The following EXOC6 variants were observed in gnomAD, a reference collection of about 807,000 sequenced individuals.
The protein encoded by EXOC6 is SEC15-like 1.
A neutral mutation model predicts 112.5 loss-of-function variants in EXOC6; 60 were observed. The ratio of observed to expected loss-of-function variants is 0.53; its 90% CI spans 0.43 to 0.66. The LOEUF (loss-of-function observed/expected upper bound fraction) is 0.66, where lower values mean the gene tolerates loss of function less well. Among genes scored for constraint, EXOC6 ranks in the 30% least tolerant of loss-of-function variants. The pLI, the probability that EXOC6 is intolerant of heterozygous loss-of-function variation, is 0.00. For missense variants in EXOC6, 855 were observed against 957.1 expected, an observed-to-expected ratio of 0.89 and a Z score of 1.41; for synonymous variants, 295 against 308.0, an observed-to-expected ratio of 0.96 and a Z score of 0.44.
chr10:92,908,024 T>C (rs1473462545), intron 5 of EXOC6, among the ~76,000 whole-genome samples: 1 of 151,528 alleles, frequency 6.6e-6, no homozygotes, highest in Admixed American at 6.6e-5. Flanking sequence ...AGAAAACTAA[T>C]TGGTATTTTA....
At chr10:92,959,163 T>A (rs1337194174) in intron 17 of EXOC6, among the ~76,000 whole-genome samples, 2 of 152,070 alleles carry the variant, frequency 1.3e-5, no homozygotes, top group African/African-American at 4.8e-5. Flanking sequence ...ACAAATAGAT[T>A]AATGGAACAG....
In EXOC6 at chr10:92,885,092, C is replaced by A. The variant is rs1589761970; in HGVS notation, c.102-8257C>A. Among the ~76,000 whole-genome samples, 3 of 152,246 alleles carry A rather than the reference C, an allele frequency of 2.0e-5. No homozygotes were observed. In the East Asian group the frequency reaches 5.8e-4, roughly 29 times the overall value. On this transcript the variant is annotated intron_variant, in intron 1 of 21. Coordinates refer to ENST00000260762, the MANE Select transcript of EXOC6 (RefSeq NM_019053.6). ...ACCACTAGGTGGAGCCCTAAACACACAATTCAAGAAAGTATCTCTGCAAGA... is the reference window on the plus strand; with the variant it reads ...ACCACTAGGTGGAGCCCTAAACACAAAATTCAAGAAAGTATCTCTGCAAGA...
intron 6 of EXOC6, among the ~76,000 whole-genome samples, chr10:92,910,376 G>A (rs905420677): frequency 1.3e-5 from 2 of 152,140 alleles, no homozygotes; most frequent in African/African-American, 4.8e-5. Flanking sequence ...ATACAAAAAG[G>A]CACAAACTGT....
chr10:92,859,108 C>A (rs1235712322), intron 1 of EXOC6, among the ~76,000 whole-genome samples: 1 of 152,100 alleles, frequency 6.6e-6, no homozygotes, highest in African/African-American at 2.4e-5. Flanking sequence ...TCTTCTGTTT[C>A]CTTATATGCC....
At chr10:93,050,778 A>AAAAAAAAAAAAAAAAAAAC (rs1846250248) in intron 20 of EXOC6, among the ~76,000 whole-genome samples, 1 of 148,492 alleles carries the variant, frequency 6.7e-6, no homozygotes, top group African/African-American at 2.5e-5. Context: ...AAAAAAAAAA[A>AAAAAAAAAAAAAAAAAAAC]AAAGAATTGC....
intron 6 of EXOC6, among the ~76,000 whole-genome samples, chr10:92,912,820 G>A (rs1035617404): frequency 2.0e-5 from 3 of 152,258 alleles, no homozygotes; most frequent in African/African-American, 2.4e-5. Context: ...TAGAAGAGCC[G>A]TGGCAAGATG....
intron 7 of EXOC6, 189 bp downstream of exon 7, chr10:92,916,102 G>C: frequency 7.0e-6 from 3 of 428,646 alleles, no homozygotes; most frequent in Admixed American, 5.0e-5. Flanking sequence ...TGAAGGGAGG[G>C]CTGTCATGGA....
chr10:92,948,383 C>T lies in EXOC6; in HGVS notation c.1416+4C>T. The T allele has an allele frequency of 6.7e-7, 1 of 1,485,450 alleles. No individual in the cohort carries two copies. The highest frequency in any genetic ancestry group is 1.2e-5 in the South Asian group (1 of 80,416). 92.0% of individuals were successfully genotyped at this position (1,485,450 alleles called of 1,614,324 possible). A position where few individuals can be genotyped will look rare whatever the true frequency, so the allele number is the denominator to read the frequency against. Reference sequence around the variant, plus strand: ...TCAAGATCCAGACCTTGAAAAGGTACAAGCTAGTTTTTAATTCAAGGATTT... The same window carrying T: ...TCAAGATCCAGACCTTGAAAAGGTATAAGCTAGTTTTTAATTCAAGGATTT... On this transcript the variant is annotated splice_donor_region_variant and intron_variant, in intron 14 of 21. Transcript: ENST00000260762.
chr10:92,893,376 G>C lies in EXOC6; in HGVS notation c.129G>C (p.Ala43=). The C allele has an allele frequency of 2.5e-6, 4 of 1,610,868 alleles. No individual in the cohort carries two copies. Among genetic ancestry groups the C allele is most frequent in the African/African-American group, 1.3e-5 (1 of 74,882 alleles). Residue 43 remains alanine, a synonymous_variant, in exon 2 of 22, where the codon GCG becomes GCC. Coordinates refer to ENST00000260762, the MANE Select transcript of EXOC6 (RefSeq NM_019053.6). ...CTGTGTATGATGACCAACCAAATGCGCACAAGAAGTTTATGGAAAAGTTAG... is the reference window on the plus strand; with the variant it reads ...CTGTGTATGATGACCAACCAAATGCCCACAAGAAGTTTATGGAAAAGTTAG... ...LRSVYDDQPN[A]HKKFMEKLDA...
intron 4 of EXOC6, among the ~76,000 whole-genome samples, chr10:92,896,058 T>C (rs1849742293): frequency 2.5e-5 from 1 of 39,872 alleles, no homozygotes; most frequent in Non-Finnish European, 3.9e-5. Flanking sequence ...TATATATATG[T>C]GTATATATAT....
intron 18 of EXOC6, among the ~76,000 whole-genome samples, chr10:92,985,396 C>G (rs1405951130): frequency 2.6e-5 from 4 of 152,182 alleles, no homozygotes; most frequent in African/African-American, 9.7e-5. Context: ...TTCTCTGTTT[C>G]ATCTGCTTTC....
At chr10:93,045,445 T>G (rs1845965533) in intron 20 of EXOC6, among the ~76,000 whole-genome samples, 1 of 152,252 alleles carries the variant, frequency 6.6e-6, no homozygotes, top group African/African-American at 2.4e-5. Context: ...TCCCTCGTGT[T>G]TTTCTTAACA....
At chr10:92,999,223 G>T (rs1285260382) in intron 19 of EXOC6, 107 of 348,256 alleles carry the variant, frequency 3.1e-4, no homozygotes, top group Admixed American at 1.2e-3. Flanking sequence ...TTTTTTACAA[G>T]TTTTTTTTTT....
intron 20 of EXOC6, among the ~76,000 whole-genome samples, chr10:93,032,799 T>TA: frequency 6.6e-6 from 1 of 152,170 alleles, no homozygotes; most frequent in South Asian, 2.1e-4. Context: ...ATGAGAAAAA[T>TA]AAAACAGGTT....
At chr10:92,992,381 TATAAC>T (rs1471321127) in intron 18 of EXOC6, among the ~76,000 whole-genome samples, 1 of 152,116 alleles carries the variant, frequency 6.6e-6, no homozygotes, top group African/African-American at 2.4e-5. Context: ...TTTAAACCTT[TATAAC>T]ATATCTATTC....
intron 9 of EXOC6, among the ~76,000 whole-genome samples, chr10:92,929,065 T>C (rs1335881221): frequency 1.3e-5 from 2 of 152,224 alleles, no homozygotes; most frequent in African/African-American, 4.8e-5. Flanking sequence ...TTTGACGACA[T>C]TGGGTACAGA....
At chr10:93,042,835 G>A (rs1845841934) in intron 20 of EXOC6, among the ~76,000 whole-genome samples, 1 of 152,074 alleles carries the variant, frequency 6.6e-6, no homozygotes, top group South Asian at 2.1e-4. Context: ...TATTGATTAA[G>A]TGATACAAAG....
chr10:92,834,690 C>A, upstream of EXOC6: 9 of 1,407,788 alleles, frequency 6.4e-6, no homozygotes, highest in Non-Finnish European at 7.8e-6. Context: ...AACAGTTTTT[C>A]ACTCAATATC....
chr10:92,854,970 T>G (rs551896522), intron 1 of EXOC6, among the ~76,000 whole-genome samples: 203 of 152,346 alleles, frequency 1.3e-3, no homozygotes, highest in African/African-American at 4.7e-3. Context: ...TTAATTACCC[T>G]TGCATTCCTA....
Sources: gnomAD v4.1 joint callset for allele counts (sites outside exome capture counted in the v4.1 genomes callset) on GRCh38, gnomAD v4.1.1 for gene constraint, MANE v1.5 for transcripts, NCBI Gene and HGNC (gene_info 2026-07-23, HGNC 2026-07-21) for gene names.